Variants in ENOX1 observed in about 807,000 individuals in gnomAD.
ENOX1 encodes the protein ecto-NOX disulfide-thiol exchanger 1, also known as candidate growth-related and time keeping constitutive hydroquinone (NADH) oxidase.
A neutral mutation model predicts 82.5 loss-of-function variants in ENOX1; 42 were observed. The observed-to-expected ratio is 0.51, with a 90% CI of 0.40 to 0.66. The LOEUF is 0.66. Among genes scored for constraint, ENOX1 ranks in the 30% least tolerant of loss-of-function variants. The pLI is 0.00. For missense variants in ENOX1, 608 were observed against 811.6 expected (o/e 0.75, Z 3.05); for synonymous variants, 271 against 282.2 (o/e 0.96, Z 0.40).
intron 2 of ENOX1, among the ~76,000 whole-genome samples, chr13:43,622,117 C>G (rs2082760151): frequency 6.6e-6 from 1 of 152,162 alleles, no homozygotes; most frequent in Non-Finnish European, 1.5e-5. Flanking sequence ...TTTAAGCTAT[C>G]TAGTTCCTTG....
At chr13:43,739,162 G>T (rs369843593) in intron 1 of ENOX1, among the ~76,000 whole-genome samples, 1 of 152,028 alleles carries the variant, frequency 6.6e-6, no homozygotes, top group Non-Finnish European at 1.5e-5. Flanking sequence ...ACTATGTACC[G>T]GCATTTTTCT....
intron 1 of ENOX1, among the ~76,000 whole-genome samples, chr13:43,744,831 A>G (rs921511509): frequency 6.6e-6 from 1 of 152,160 alleles, no homozygotes; most frequent in African/African-American, 2.4e-5. Context: ...GCAAATAGTC[A>G]CTCTCCTTGG....
At chr13:43,324,992 GAA>G (rs918570154) in intron 10 of ENOX1, among the ~76,000 whole-genome samples, 20 of 152,108 alleles carry the variant, frequency 1.3e-4, no homozygotes, top group African/African-American at 4.8e-4. Flanking sequence ...GTTTTTATGT[GAA>G]AAAATAAATA....
At chr13:43,409,953 C>T (rs117129067) in intron 5 of ENOX1, among the ~76,000 whole-genome samples, 3,189 of 152,098 alleles carry the variant, frequency 0.021, 42 homozygotes, top group Non-Finnish European at 0.032. Context: ...GAAGGGAAGC[C>T]CAGAAAGACC....
In ENOX1 at chr13:43,538,691, T is replaced by C. The variant is rs537180973; in HGVS notation, c.-218-54539A>G. Among the ~76,000 whole-genome samples, 20 of 152,338 alleles carry C rather than the reference T, an allele frequency of 1.3e-4. No homozygotes were observed. The South Asian group carries it at 4.1e-3, about 32-fold the overall frequency. ...TAATATCCTCTTATTATATTTCTAA[T>C]GTCTGCAAGGAACTATAATGATGTC... On this transcript the variant is annotated intron_variant, in intron 2 of 16. Transcript: ENST00000690772.
intron 2 of ENOX1, among the ~76,000 whole-genome samples, chr13:43,557,183 C>G (rs1189791221): frequency 6.6e-6 from 1 of 152,122 alleles, no homozygotes; most frequent in African/African-American, 2.4e-5. Context: ...AATAGAGAGT[C>G]AGGAGAATTC....
intron 11 of ENOX1, among the ~76,000 whole-genome samples, chr13:43,316,631 A>C (rs1593888771): frequency 4.9e-4 from 1 of 2,032 alleles, no homozygotes; most frequent in Non-Finnish European, 0.062. Context: ...GCAATTTACA[A>C]AAAAAAAAAA....
chr13:43,460,056 C>T (rs929181150), intron 3 of ENOX1, among the ~76,000 whole-genome samples: 2 of 152,194 alleles, frequency 1.3e-5, no homozygotes, highest in African/African-American at 4.8e-5. Flanking sequence ...CAAGAAAAAA[C>T]TATCCTCAAG....
chr13:43,703,964 G>A lies in ENOX1; in HGVS notation c.-284-36420C>T, dbSNP rs1192168484. On this transcript the variant is annotated intron_variant, in intron 1 of 16. Coordinates refer to ENST00000690772, the MANE Select transcript of ENOX1 (RefSeq NM_001347969.2). ...CTCAAACCTGAAAAAAATGACCTTAGTAGCAAAGAACTAAAAATAACAGGG... is the reference window on the plus strand; with the variant it reads ...CTCAAACCTGAAAAAAATGACCTTAATAGCAAAGAACTAAAAATAACAGGG... 2.0e-5 allele frequency among the ~76,000 whole-genome samples: 3 copies of A among 151,822 alleles called. No homozygotes were observed. The East Asian group carries it at 5.8e-4, about 29-fold the overall frequency.
chr13:43,272,781 C>T (rs139306313), intron 12 of ENOX1, among the ~76,000 whole-genome samples: 76 of 152,252 alleles, frequency 5.0e-4, no homozygotes, highest in Middle Eastern at 6.8e-3. Context: ...TTTTAAAACA[C>T]CTTCACAGGT....
intron 5 of ENOX1, among the ~76,000 whole-genome samples, chr13:43,390,417 G>T (rs566108778): frequency 3.5e-4 from 54 of 152,138 alleles, no homozygotes; most frequent in Admixed American, 9.8e-4. Context: ...AATTTAGTAA[G>T]TTTATAAAAT....
At chr13:43,519,976 T>G (rs1266980060) in intron 2 of ENOX1, among the ~76,000 whole-genome samples, 1 of 152,150 alleles carries the variant, frequency 6.6e-6, no homozygotes, top group Non-Finnish European at 1.5e-5. Context: ...ATGCTTTACC[T>G]TGCTTTTTAA....
At chr13:43,691,233 A>G (rs2086347177) in intron 1 of ENOX1, among the ~76,000 whole-genome samples, 1 of 152,056 alleles carries the variant, frequency 6.6e-6, no homozygotes, top group South Asian at 2.1e-4. Flanking sequence ...ATTTTTCATA[A>G]GTAAGTACCA....
At chr13:43,510,256 A>G (rs1195829367) in intron 2 of ENOX1, among the ~76,000 whole-genome samples, 2 of 152,116 alleles carry the variant, frequency 1.3e-5, no homozygotes, top group Non-Finnish European at 2.9e-5. Context: ...CTCTCCTGCC[A>G]GCCGGCACTC....
chr13:43,488,884 A>G (rs773012405), intron 2 of ENOX1, among the ~76,000 whole-genome samples: 4 of 152,262 alleles, frequency 2.6e-5, no homozygotes, highest in African/African-American at 9.6e-5. Flanking sequence ...GTCCTGTCCT[A>G]GGACTCTGTG....
intron 3 of ENOX1, chr13:43,458,352 A>G (rs2057320203): frequency 6.6e-6 from 1 of 152,214 alleles, no homozygotes; most frequent in Non-Finnish European, 1.5e-5. Flanking sequence ...TAGGTACCCA[A>G]TTAAAAAAAG....
At chr13:43,474,956 A>G (rs1309244868) in intron 3 of ENOX1, among the ~76,000 whole-genome samples, 1 of 152,146 alleles carries the variant, frequency 6.6e-6, no homozygotes, top group African/African-American at 2.4e-5. Flanking sequence ...AAGGAGGTAA[A>G]GAAGTTGCAG....
intron 16 of ENOX1, among the ~76,000 whole-genome samples, chr13:43,216,997 G>A (rs549733934): frequency 5.4e-4 from 82 of 152,246 alleles, no homozygotes; most frequent in Non-Finnish European, 1.0e-3. Flanking sequence ...ATAAGATAGG[G>A]AATAATTTAC....
At chr13:43,707,839 G>A (rs959400550) in intron 1 of ENOX1, among the ~76,000 whole-genome samples, 1 of 149,474 alleles carries the variant, frequency 6.7e-6, no homozygotes, top group South Asian at 2.1e-4. Flanking sequence ...CTGATATAAC[G>A]ACAGAAAAAA....
Sources: allele counts gnomAD v4.1 joint callset (sites outside exome capture counted in the v4.1 genomes callset), GRCh38; gene constraint gnomAD v4.1.1; transcripts MANE v1.5; gene names NCBI Gene and HGNC (gene_info 2026-07-23, HGNC 2026-07-21).